LRMDA: variants seen among roughly 807,000 people sequenced by gnomAD.
The protein encoded by LRMDA is leucine-rich melanocyte differentiation-associated protein.
Under a neutral mutation model 29.8 loss-of-function variants are expected in LRMDA, and 18 were observed. The ratio of observed to expected loss-of-function variants is 0.60; its 90% CI spans 0.42 to 0.90. LRMDA has a LOEUF of 0.90. Among genes scored for constraint, LRMDA ranks in the 40% least tolerant of loss-of-function variants. The pLI is 0.00. For missense variants in LRMDA, 273 were observed against 273.9 expected (o/e 1.00, Z 0.02); for synonymous variants, 125 against 109.4 (o/e 1.14, Z -0.89).
intron 6 of LRMDA, among the ~76,000 whole-genome samples, chr10:76,545,180 TG>T (rs757358918): frequency 0.038 from 1,094 of 28,482 alleles, 11 homozygotes; most frequent in Middle Eastern, 0.13. Flanking sequence ...TTTTTTATTT[TG>T]TTTTTTTTTT....
intron 5 of LRMDA, among the ~76,000 whole-genome samples, chr10:76,123,547 A>G (rs1333745311): frequency 6.6e-6 from 1 of 152,198 alleles, no homozygotes; most frequent in East Asian, 1.9e-4. Context: ...CAATATATGT[A>G]AAACACAGAA....
intron 2 of LRMDA, among the ~76,000 whole-genome samples, chr10:75,441,508 T>TC (rs1408972910): frequency 1.3e-5 from 2 of 152,188 alleles, no homozygotes; most frequent in East Asian, 1.9e-4. Context: ...CAGCAGGAGA[T>TC]AAGGTTGAGA....
At chr10:75,916,457 C>G (rs1845937014) in intron 2 of LRMDA, among the ~76,000 whole-genome samples, 1 of 152,048 alleles carries the variant, frequency 6.6e-6, no homozygotes, top group South Asian at 2.1e-4. Flanking sequence ...GCCTCATTCC[C>G]CAGGAGGTCA....
At chr10:76,066,003 C>T (rs1370373363) in intron 5 of LRMDA, among the ~76,000 whole-genome samples, 1 of 152,194 alleles carries the variant, frequency 6.6e-6, no homozygotes, top group African/African-American at 2.4e-5. Context: ...AACCACAGAC[C>T]TCTACATGAG....
intron 5 of LRMDA, among the ~76,000 whole-genome samples, chr10:76,189,411 G>C (rs1489964621): frequency 6.6e-6 from 1 of 152,024 alleles, no homozygotes; most frequent in East Asian, 1.9e-4. Context: ...AGTGAGATGT[G>C]TGTACCTGTT....
chr10:75,826,095 G>A (rs370094575), intron 2 of LRMDA, among the ~76,000 whole-genome samples: 1 of 152,096 alleles, frequency 6.6e-6, no homozygotes, highest in Non-Finnish European at 1.5e-5. Context: ...TTATAACATA[G>A]GTGGAATTTG....
intron 2 of LRMDA, among the ~76,000 whole-genome samples, chr10:75,922,862 A>G (rs1035765688): frequency 1.3e-5 from 2 of 151,940 alleles, no homozygotes; most frequent in Admixed American, 6.6e-5. Context: ...CTTTCCATCT[A>G]TTTCCTATAC....
chr10:75,509,385 C>T (rs1257851229), intron 2 of LRMDA, among the ~76,000 whole-genome samples: 1 of 152,200 alleles, frequency 6.6e-6, no homozygotes, highest in Non-Finnish European at 1.5e-5. Flanking sequence ...TTTCCTTTTA[C>T]TTTCTGCTTC....
intron 2 of LRMDA, among the ~76,000 whole-genome samples, chr10:75,793,149 C>T (rs1843597098): frequency 6.6e-6 from 1 of 152,170 alleles, no homozygotes; most frequent in African/African-American, 2.4e-5. Context: ...AAGCTATACT[C>T]CATCTTCTTA....
chr10:75,432,599 T>C (rs913229035), intron 1 of LRMDA, among the ~76,000 whole-genome samples: 1 of 152,332 alleles, frequency 6.6e-6, no homozygotes, highest in Non-Finnish European at 1.5e-5. Flanking sequence ...TTCCCACCTT[T>C]CCCTGCACAC....
chr10:76,169,605 C>T (rs1459414884), intron 5 of LRMDA, among the ~76,000 whole-genome samples: 1 of 152,108 alleles, frequency 6.6e-6, no homozygotes, highest in African/African-American at 2.4e-5. Flanking sequence ...AAGGAAGACT[C>T]AGAAGAAAGA....
chr10:76,045,646 G>A (rs1333336009), intron 3 of LRMDA, among the ~76,000 whole-genome samples: 1 of 152,098 alleles, frequency 6.6e-6, no homozygotes, highest in East Asian at 1.9e-4. Context: ...AAGATTTAAG[G>A]AAGACATGTG....
At chr10:75,537,879 T>G (rs754139059) in intron 2 of LRMDA, among the ~76,000 whole-genome samples, 3 of 152,212 alleles carry the variant, frequency 2.0e-5, no homozygotes, top group Non-Finnish European at 4.4e-5. Context: ...CTCTATAGGA[T>G]GCTCTTTCTG....
intron 2 of LRMDA, among the ~76,000 whole-genome samples, chr10:75,563,447 G>A (rs954470643): frequency 6.6e-6 from 1 of 152,012 alleles, no homozygotes; most frequent in Non-Finnish European, 1.5e-5. Context: ...TTTTTTCAAA[G>A]TTTTTAACTT....
At chr10:75,973,018 ACAACAG>A (rs1308816129) in intron 2 of LRMDA, among the ~76,000 whole-genome samples, 40 of 134,272 alleles carry the variant, frequency 3.0e-4, no homozygotes, top group African/African-American at 9.5e-4. Context: ...AACCACTTTA[ACAACAG>A]CAGCAGCAGC....
At chr10:76,230,621 A>G (rs967712030) in intron 5 of LRMDA, among the ~76,000 whole-genome samples, 2 of 150,798 alleles carry the variant, frequency 1.3e-5, no homozygotes, top group Non-Finnish European at 3.0e-5. Context: ...GGATGACACC[A>G]TCTTGGCATT....
At chr10:75,664,928 G>C (rs1466172402) in intron 2 of LRMDA, among the ~76,000 whole-genome samples, 1 of 152,172 alleles carries the variant, frequency 6.6e-6, no homozygotes, top group Non-Finnish European at 1.5e-5. Context: ...AAGCCAGACA[G>C]ACCCAGCACC....
At chr10:75,501,367 T>C (rs1331278499) in intron 2 of LRMDA, among the ~76,000 whole-genome samples, 2 of 152,218 alleles carry the variant, frequency 1.3e-5, no homozygotes, top group African/African-American at 2.4e-5. Flanking sequence ...TCCCACACTT[T>C]CCTGGTGTGT....
intron 5 of LRMDA, among the ~76,000 whole-genome samples, chr10:76,087,237 G>A (rs1030801686): frequency 2.0e-4 from 30 of 152,100 alleles, no homozygotes; most frequent in African/African-American, 5.8e-4. Context: ...GTCTTCATCC[G>A]AGGAAGCAGT....
Sources: gnomAD v4.1 joint callset for allele counts (sites outside exome capture counted in the v4.1 genomes callset) on GRCh38, gnomAD v4.1.1 for gene constraint, MANE v1.5 for transcripts, NCBI Gene and HGNC (gene_info 2026-07-23, HGNC 2026-07-21) for gene names.